Variants in CACNA1A observed in about 807,000 individuals in gnomAD.
CACNA1A encodes the protein voltage-dependent P/Q-type calcium channel subunit alpha-1A.
CACNA1A carries 57 observed loss-of-function variants against 262.4 expected under a neutral mutation model. The observed-to-expected ratio is 0.22, with a 90% CI of 0.18 to 0.27. CACNA1A has a LOEUF of 0.27. Among genes scored for constraint, CACNA1A ranks in the 10% least tolerant of loss-of-function variants. CACNA1A has a pLI of 1.00. For synonymous variants in CACNA1A, 1,431 were observed against 1,419.3 expected (o/e 1.01, Z -0.18); for missense variants, 2,526 against 3,562.8 (o/e 0.71, Z 7.41).
At position 13,298,931 on chromosome 19, in the gene CACNA1A, G is replaced by C. The variant is rs752779378; in HGVS notation, c.2702C>G (p.Ser901Trp). 2.5e-6 allele frequency: 4 copies of C among 1,593,776 alleles called. No homozygotes were observed. The South Asian group carries it at 4.4e-5, about 18-fold the overall frequency. The stretch of plus-strand genomic sequence containing the variant: ...GCTGCCCTCCCGGGCGTGGTGGTCC[G>C]ACTCGCGGCCGTAGGGTCCCTCCCG... The part of the protein sequence containing the change: ...LSREGPYGRE[S>W]DHHAREGSLE... The change falls in exon 19 of 47, where the codon TCG becomes TGG. Residue 901 changes from serine to tryptophan, a missense_variant. Physicochemically the swap from Ser to Trp is radical, Grantham distance 177 (BLOSUM62 -3). Transcript: ENST00000360228.
rs1324031892 is a variant in CACNA1A, at chr19:13,241,735, G to A, written c.4950+3447C>T. 6.6e-6 allele frequency among the ~76,000 whole-genome samples: 1 copy of A among 152,180 alleles called. No individual in the cohort carries two copies. Among genetic ancestry groups the A allele is most frequent in the East Asian group, 1.9e-4 (1 of 5,190 alleles). On this transcript the variant is annotated intron_variant, in intron 31 of 46. Transcript: ENST00000360228. The surrounding 1 kb of genome is among the most constrained non-coding windows in gnomAD (Gnocchi z 4.0). ...CAGACCATGTCATGGATGAACAAAT[G>A]AATTTCATAGTGCATTTTGATTGGA...
chr19:13,211,990 C>T, intron 43 of CACNA1A, 113 bp downstream of exon 43: 1 of 701,082 alleles, frequency 1.4e-6, no homozygotes, highest in South Asian at 1.7e-5. Flanking sequence ...GGAGTCCCTA[C>T]CCAGGCCTGA....
chr19:13,234,463 G>A (rs576197830), intron 34 of CACNA1A, among the ~76,000 whole-genome samples: 23 of 151,416 alleles, frequency 1.5e-4, no homozygotes, highest in Non-Finnish European at 2.5e-4. Flanking sequence ...CTCACGGTCT[G>A]TAAGCCTGTT....
chr19:13,289,140 CTTTT>C (rs36024401), intron 19 of CACNA1A, among the ~76,000 whole-genome samples: 5 of 122,228 alleles, frequency 4.1e-5, no homozygotes, highest in Admixed American at 1.8e-4. Flanking sequence ...TCGGCAATGT[CTTTT>C]TTTTTTTTTT....
chr19:13,305,977 T>G (rs973227736), intron 15 of CACNA1A, among the ~76,000 whole-genome samples: 1 of 151,728 alleles, frequency 6.6e-6, no homozygotes, highest in Non-Finnish European at 1.5e-5. Flanking sequence ...GGAGAATCGC[T>G]TGAACCCAGG....
Position 13,471,370 on chromosome 19 carries a change from G to T in CACNA1A, c.294-16158C>A, listed in dbSNP as rs551880329. 8.5e-5 allele frequency among the ~76,000 whole-genome samples: 13 copies of T among 152,206 alleles called. No homozygotes were observed. The South Asian group carries it at 2.7e-3, about 32-fold the overall frequency. On this transcript the variant is annotated intron_variant, in intron 1 of 46. Transcript: ENST00000360228. ...CTCTTTCTCTATTAACCTTTGTTATGAATTGTACCACCAGCTGCCTAGTAA... is the reference window on the plus strand; with the variant it reads ...CTCTTTCTCTATTAACCTTTGTTATTAATTGTACCACCAGCTGCCTAGTAA...
intron 3 of CACNA1A, among the ~76,000 whole-genome samples, chr19:13,372,388 T>C (rs1599309711): frequency 6.6e-6 from 1 of 152,254 alleles, no homozygotes; most frequent in Admixed American, 6.5e-5. Flanking sequence ...GCCAGGCTGG[T>C]CTTGAACTCC....
chr19:13,483,668 A>G (rs1364310438), intron 1 of CACNA1A, among the ~76,000 whole-genome samples: 2 of 152,204 alleles, frequency 1.3e-5, no homozygotes, highest in Non-Finnish European at 2.9e-5. Flanking sequence ...TGGATAATGG[A>G]GCCAGCTGCA....
At chr19:13,345,543 C>T (rs927303355) in intron 6 of CACNA1A, among the ~76,000 whole-genome samples, 1 of 152,050 alleles carries the variant, frequency 6.6e-6, no homozygotes, top group African/African-American at 2.4e-5. Flanking sequence ...CCTTCAGTGC[C>T]TTCTGTTTTA....
intron 9 of CACNA1A, among the ~76,000 whole-genome samples, chr19:13,331,822 C>G (rs1213450168): frequency 8.0e-6 from 1 of 124,556 alleles, no homozygotes; most frequent in African/African-American, 3.3e-5. Flanking sequence ...GCCCCCACAT[C>G]TGGCTAAGTT....
In CACNA1A at chr19:13,413,774, G is replaced by A. The variant is rs370720247; in HGVS notation, c.539+39102C>T. Among the ~76,000 whole-genome samples the A allele has an allele frequency of 6.2e-3, 930 of 150,696 alleles. 6 individuals carry two copies. Among genetic ancestry groups the A allele is most frequent in the South Asian group, 0.045 (213 of 4,756 alleles). On this transcript the variant is annotated intron_variant, in intron 3 of 46. Coordinates refer to ENST00000360228, the MANE Select transcript of CACNA1A (RefSeq NM_001127222.2). ...CAGGTACCTGTAATCTCAGCTACTC[G>A]GGAGGCTGAGACAGGAGAATTGCTT... is the stretch of plus-strand genomic sequence containing the variant.
At chr19:13,457,480 C>A (rs2061035166) in intron 1 of CACNA1A, among the ~76,000 whole-genome samples, 1 of 152,168 alleles carries the variant, frequency 6.6e-6, no homozygotes, top group South Asian at 2.1e-4. Flanking sequence ...ATGGAAACAA[C>A]CTAAATTTCA....
intron 1 of CACNA1A, among the ~76,000 whole-genome samples, chr19:13,469,754 C>T (rs13345018): frequency 0.17 from 24,966 of 151,240 alleles, 3,519 homozygotes; most frequent in African/African-American, 0.36. Context: ...CCACCGCGCC[C>T]GGCTGAACCA....
chr19:13,346,640 ATATATATATATATATATATATATATAT>A (rs2058775400), intron 6 of CACNA1A, among the ~76,000 whole-genome samples: 4 of 10,208 alleles, frequency 3.9e-4, no homozygotes, highest in African/African-American at 1.3e-3. Context: ...ATATATATAT[ATATATATATATATATATATATATATAT>A]TTTTTTTTTT....
intron 44 of CACNA1A, among the ~76,000 whole-genome samples, chr19:13,210,082 G>A (rs1367408680): frequency 1.3e-5 from 2 of 152,040 alleles, no homozygotes; most frequent in African/African-American, 4.8e-5. Context: ...TCTGGGTGGG[G>A]GTGGGGGATA....
chr19:13,455,081 A>G, intron 2 of CACNA1A, 26 bp downstream of exon 2: 1 of 1,408,862 alleles, frequency 7.1e-7, no homozygotes, highest in Non-Finnish European at 1.0e-6. Flanking sequence ...GCCAAGGAGA[A>G]GACCCTGAGA....
chr19:13,349,925 A>T (rs1452302768), intron 6 of CACNA1A, among the ~76,000 whole-genome samples: 10 of 152,200 alleles, frequency 6.6e-5, no homozygotes. Context: ...TCTCTGGCCC[A>T]GGAAGGTCCA....
intron 4 of CACNA1A, among the ~76,000 whole-genome samples, chr19:13,368,892 G>T (rs1390565839): frequency 7.0e-6 from 1 of 143,736 alleles, no homozygotes; most frequent in Non-Finnish European, 1.5e-5. Context: ...CAAAAAATTA[G>T]CCGGGCGTGG....
intron 1 of CACNA1A, among the ~76,000 whole-genome samples, chr19:13,458,759 G>A (rs1290096266): frequency 6.6e-6 from 1 of 152,168 alleles, no homozygotes; most frequent in East Asian, 1.9e-4. Flanking sequence ...CTCCTAACCT[G>A]CTGATCAGCT....
Sources: gnomAD v4.1 joint callset for allele counts (sites outside exome capture counted in the v4.1 genomes callset) on GRCh38, gnomAD v4.1.1 for gene constraint, Gnocchi (gnomAD v3.1) non-coding constraint, MANE v1.5 for transcripts, NCBI Gene and HGNC (gene_info 2026-07-23, HGNC 2026-07-21) for gene names.